The following UMAD1 variants were observed in gnomAD, a reference collection of about 807,000 sequenced individuals.
UMAD1 encodes the protein UBAP1-MVB12-associated (UMA)-domain containing protein 1.
UMAD1 carries 8 observed loss-of-function variants against 6.1 expected under a neutral mutation model. The observed-to-expected ratio is 1.30, with a 90% CI of 0.76 to 2.35. The LOEUF is 2.35. Ranked by LOEUF, UMAD1 falls within the 30% of genes most tolerant of loss-of-function variation. The pLI is 0.00. For synonymous variants in UMAD1, 56 were observed against 31.4 expected (o/e 1.78, Z -2.61); for missense variants, 130 against 78.4 (o/e 1.66, Z -2.49).
At chr7:7,834,020 T>TC (rs1563245046) in intron 3 of UMAD1, among the ~76,000 whole-genome samples, 3 of 54,686 alleles carry the variant, frequency 5.5e-5, no homozygotes, top group Non-Finnish European at 1.0e-4. Flanking sequence ...TCTTTTCTTT[T>TC]TTTTTTTTTT....
chr7:7,674,434 A>G (rs758966207), intron 2 of UMAD1, among the ~76,000 whole-genome samples: 1 of 152,190 alleles, frequency 6.6e-6, no homozygotes, highest in Non-Finnish European at 1.5e-5. Flanking sequence ...AAACTTTACT[A>G]TAGAATTTTC....
At chr7:7,687,222 A>G (rs1325117214) in intron 2 of UMAD1, 1 of 152,198 alleles carries the variant, frequency 6.6e-6, no homozygotes, top group Non-Finnish European at 1.5e-5. Flanking sequence ...TGAGCAGGCT[A>G]CTTACCATTT....
At chr7:7,765,910 G>T (rs947916511) in intron 2 of UMAD1, among the ~76,000 whole-genome samples, 19 of 151,698 alleles carry the variant, frequency 1.3e-4, no homozygotes, top group African/African-American at 4.6e-4. Context: ...AGTTTTTTTT[G>T]AATACTTATT....
At chr7:7,769,672 G>C (rs1782064484) in intron 2 of UMAD1, among the ~76,000 whole-genome samples, 1 of 152,150 alleles carries the variant, frequency 6.6e-6, no homozygotes, top group Non-Finnish European at 1.5e-5. Flanking sequence ...GGAGTAGGGG[G>C]AAGTGCATTT....
chr7:7,703,716 G>T (rs1780524385), intron 2 of UMAD1, among the ~76,000 whole-genome samples: 1 of 152,192 alleles, frequency 6.6e-6, no homozygotes, highest in Admixed American at 6.5e-5. Flanking sequence ...GAGACTGGCA[G>T]ATCGCTTGAG....
intron 2 of UMAD1, among the ~76,000 whole-genome samples, chr7:7,788,943 T>G (rs1782507830): frequency 6.6e-6 from 1 of 152,224 alleles, no homozygotes; most frequent in East Asian, 1.9e-4. Flanking sequence ...CTTCATCTGT[T>G]GCCTAATACT....
At chr7:7,797,690 C>CCT (rs1782715015) in intron 2 of UMAD1, among the ~76,000 whole-genome samples, 2 of 145,640 alleles carry the variant, frequency 1.4e-5, no homozygotes, top group African/African-American at 2.5e-5. Context: ...CATCATCCAA[C>CCT]ATTTTTTTTT....
At chr7:7,779,952 T>A (rs1782310387) in intron 2 of UMAD1, among the ~76,000 whole-genome samples, 1 of 152,234 alleles carries the variant, frequency 6.6e-6, no homozygotes, top group Admixed American at 6.5e-5. Context: ...CCCAAGTTTC[T>A]TAATATATTA....
At chr7:7,719,181 G>C (rs1256567808) in intron 2 of UMAD1, among the ~76,000 whole-genome samples, 1 of 152,152 alleles carries the variant, frequency 6.6e-6, no homozygotes, top group Non-Finnish European at 1.5e-5. Flanking sequence ...AGATCTAGCA[G>C]ATACAATGAT....
intron 2 of UMAD1, among the ~76,000 whole-genome samples, chr7:7,750,936 A>G (rs1319440778): frequency 2.0e-5 from 3 of 152,250 alleles, no homozygotes; most frequent in African/African-American, 7.2e-5. Context: ...GTATTTAATA[A>G]GAAGTAATGA....
chr7:7,784,137 C>G (rs181608967), intron 2 of UMAD1, among the ~76,000 whole-genome samples: 79 of 152,108 alleles, frequency 5.2e-4, no homozygotes, highest in African/African-American at 1.8e-3. Context: ...TTAAATATGG[C>G]TCTGCTATTT....
At chr7:7,742,916 G>C (rs1274816407) in intron 2 of UMAD1, among the ~76,000 whole-genome samples, 1 of 152,014 alleles carries the variant, frequency 6.6e-6, no homozygotes, top group Non-Finnish European at 1.5e-5. Flanking sequence ...TCATGTTAAG[G>C]TAATAATTTT....
chr7:7,743,309 G>T (rs943447441), intron 2 of UMAD1, among the ~76,000 whole-genome samples: 6 of 152,128 alleles, frequency 3.9e-5, no homozygotes, highest in Non-Finnish European at 2.9e-5. Flanking sequence ...AATGCAATTT[G>T]TTAAAACCTG....
At chr7:7,871,760 T>G (rs1427190976) in intron 3 of UMAD1, among the ~76,000 whole-genome samples, 1 of 152,108 alleles carries the variant, frequency 6.6e-6, no homozygotes, top group African/African-American at 2.4e-5. Context: ...TGAGAAAGCA[T>G]GTCCCAATTT....
chr7:7,763,779 T>A (rs1055961895), intron 2 of UMAD1, among the ~76,000 whole-genome samples: 2 of 152,202 alleles, frequency 1.3e-5, no homozygotes, highest in African/African-American at 4.8e-5. Flanking sequence ...AGTTCAGGTT[T>A]ACTTGACTTA....
chr7:7,758,784 T>C (rs140582680), intron 2 of UMAD1, among the ~76,000 whole-genome samples: 9 of 152,342 alleles, frequency 5.9e-5, no homozygotes, highest in African/African-American at 2.2e-4. Flanking sequence ...TCCTGCGTAA[T>C]GTTTCTTTGT....
chr7:7,658,543 G>A (rs1200052508), intron 1 of UMAD1, among the ~76,000 whole-genome samples: 4 of 152,102 alleles, frequency 2.6e-5, no homozygotes, highest in African/African-American at 7.2e-5. Flanking sequence ...TTTATCGAAG[G>A]CCTTTTCTGC....
intron 2 of UMAD1, among the ~76,000 whole-genome samples, chr7:7,678,260 CT>C (rs35198716): frequency 0.58 from 87,386 of 151,116 alleles, 25,501 homozygotes; most frequent in East Asian, 0.8. Flanking sequence ...TATTGCTTAT[CT>C]TTTGGATTAA....
intron 2 of UMAD1, among the ~76,000 whole-genome samples, chr7:7,788,296 G>A (rs1471624789): frequency 6.6e-6 from 1 of 152,216 alleles, no homozygotes; most frequent in Non-Finnish European, 1.5e-5. Context: ...GAAGCATGAA[G>A]ATTGAGTACA....
Sources: allele counts gnomAD v4.1 joint callset (sites outside exome capture counted in the v4.1 genomes callset), GRCh38; gene constraint gnomAD v4.1.1; transcripts MANE v1.5; gene names NCBI Gene and HGNC (gene_info 2026-07-23, HGNC 2026-07-21).